NCKAP1L: variants seen among roughly 807,000 people sequenced by gnomAD.
NCKAP1L encodes NCK associated protein 1 like.
NCKAP1L carries 53 observed loss-of-function variants against 139.2 expected under a neutral mutation model. The ratio of observed to expected loss-of-function variants is 0.38; its 90% confidence interval spans 0.31 to 0.48. The LOEUF is 0.48. NCKAP1L is among the 20% of genes least tolerant of loss of function. The pLI, the probability that NCKAP1L is intolerant of heterozygous loss-of-function variation, is 0.98. For missense variants in NCKAP1L, 1,151 were observed against 1,381.9 expected, an observed-to-expected ratio of 0.83 and a Z score of 2.65; for synonymous variants, 468 against 499.7, an observed-to-expected ratio of 0.94 and a Z score of 0.85.
At position 54,511,986 on chromosome 12, in the gene NCKAP1L, T is replaced by C. The variant is rs770040668; in HGVS notation, c.822T>C (p.Asn274=). 1 of 1,614,194 alleles carries C rather than the reference T, an allele frequency of 6.2e-7. No individual in the cohort carries two copies. The highest frequency in any genetic ancestry group is 1.1e-5 in the South Asian group (1 of 91,082). The change falls in exon 9 of 31, where the codon AAT becomes AAC. Residue 274 remains asparagine (N), a synonymous_variant. Transcript: ENST00000293373. ...TTTGTCATGGGTGCCTCAACTCCAA[T>C]AGCCAGTGCCAGAAGCTGTGGAAGC... ...FLLCHGCLNS[N]SQCQKLWKLC...
intron 3 of NCKAP1L, among the ~76,000 whole-genome samples, chr12:54,505,043 C>T (rs1427785039): frequency 1.3e-5 from 2 of 152,226 alleles, no homozygotes; most frequent in Non-Finnish European, 2.9e-5. Flanking sequence ...GGTCATGTAG[C>T]ATACAGGGAA....
At chr12:54,541,808 G>A (rs568030653) in intron 30 of NCKAP1L, among the ~76,000 whole-genome samples, 59 of 152,194 alleles carry the variant, frequency 3.9e-4, no homozygotes, top group African/African-American at 1.3e-3. Flanking sequence ...GTGTTTTTTA[G>A]TCTCATTACC....
chr12:54,532,144 AC>A, intron 25 of NCKAP1L, 25 bp from the exon 26 acceptor site: 1 of 1,551,104 alleles, frequency 6.4e-7, no homozygotes, highest in Non-Finnish European at 8.8e-7. Context: ...GGTCTTGTGG[AC>A]TCATTTATCT....
intron 3 of NCKAP1L, among the ~76,000 whole-genome samples, chr12:54,506,740 T>A (rs1329766946): frequency 6.9e-6 from 1 of 144,422 alleles, no homozygotes; most frequent in Non-Finnish European, 1.5e-5. Context: ...GCATCATATT[T>A]TTTTTATGGT....
intron 22 of NCKAP1L, among the ~76,000 whole-genome samples, chr12:54,530,606 A>G (rs78022706): frequency 0.01 from 1,599 of 152,328 alleles, 32 homozygotes; most frequent in African/African-American, 0.035. Flanking sequence ...AAATAGTTGT[A>G]TCTGCTGGGA....
At chr12:54,512,303 T>A in intron 9 of NCKAP1L, 198 bp downstream of exon 9, 1 of 485,330 alleles carries the variant, frequency 2.1e-6, no homozygotes, top group Non-Finnish European at 3.6e-6. Context: ...TAAGACAACA[T>A]GGAGGTTAAG....
At position 54,497,841 on chromosome 12, in the gene NCKAP1L, C is replaced by T. The variant is rs928632021; in HGVS notation, c.52C>T (p.Leu18=). ...TAAATTAGCAGAGAAGCTCACTATC[C>T]TGAATGATCGCGGTCAGGGGGTTCT... The part of the protein sequence containing the change: ...QHKLAEKLTI[L]NDRGQGVLIR... Residue 18 remains leucine (L), a synonymous_variant, in exon 1 of 31, where the codon CTG becomes TTG. Coordinates refer to ENST00000293373, the MANE Select transcript of NCKAP1L (RefSeq NM_005337.5). The T allele has an allele frequency of 6.2e-7, 1 of 1,613,970 alleles. No individual in the cohort carries two copies. Among genetic ancestry groups the T allele is most frequent in the Non-Finnish European group, 8.5e-7 (1 of 1,179,822 alleles).
chr12:54,523,823 A>G lies in NCKAP1L; in HGVS notation c.2025-2A>G. 1 of 1,612,926 alleles carries G rather than the reference A, an allele frequency of 6.2e-7. No homozygotes were observed. Among genetic ancestry groups the G allele is most frequent in the Non-Finnish European group, 8.5e-7 (1 of 1,179,284 alleles). ...GTAATCCAGGCTCATTTTCCTTTCT[A>G]GCATGGACAAGCTACACCTAAACTT... On this transcript the variant is annotated splice_acceptor_variant, in intron 19 of 30. Transcript: ENST00000293373. LOFTEE classifies it high-confidence loss of function.
At chr12:54,516,331 G>A (rs1399747798) in intron 10 of NCKAP1L, 36 bp downstream of exon 10, 5 of 1,583,556 alleles carry the variant, frequency 3.2e-6, no homozygotes, top group Non-Finnish European at 4.3e-6. Context: ...GAGAGGGGAT[G>A]GAATAGGAAT....
In NCKAP1L at chr12:54,543,762, G is replaced by T. The variant is rs1008094726; in HGVS notation, c.*1077G>T. 1 of 152,164 alleles carries T rather than the reference G, an allele frequency of 6.6e-6. No homozygotes were observed. Among genetic ancestry groups the T allele is most frequent in the African/African-American group, 2.4e-5 (1 of 41,426 alleles). The allele number at this position is 152,164 out of a possible 1,614,324, so 9.4% of individuals were successfully genotyped here. On this transcript the variant is annotated 3_prime_UTR_variant, in exon 31 of 31. Coordinates refer to ENST00000293373, the MANE Select transcript of NCKAP1L (RefSeq NM_005337.5). ...GGCTTTCAAGATAGCACTAAACTAG[G>T]TTTACTTAACTCCTTGGCAGGAAAT...
intron 3 of NCKAP1L, among the ~76,000 whole-genome samples, chr12:54,503,598 TACACACATATATATATATAC>T (rs1411556156): frequency 4.6e-5 from 7 of 151,712 alleles, no homozygotes; most frequent in Non-Finnish European, 8.8e-5. Context: ...TGTTAAAGTA[TACACACATATATATATATAC>T]ACACACATAT....
At chr12:54,532,084 C>T (rs1441261285) in intron 25 of NCKAP1L, 86 bp from the exon 26 acceptor site, 4 of 996,744 alleles carry the variant, frequency 4.0e-6, no homozygotes, top group Non-Finnish European at 5.8e-6. Context: ...TTGAGTGCCC[C>T]TCCTTTTTTT....
At chr12:54,542,514 C>A in intron 30 of NCKAP1L, 61 bp from the exon 31 acceptor site, 2 of 1,247,854 alleles carry the variant, frequency 1.6e-6, no homozygotes, top group Admixed American at 1.7e-5. Flanking sequence ...GCAAAAGGAA[C>A]AGGGTATCAC....
chr12:54,528,032 G>A (rs1448257611), intron 21 of NCKAP1L, among the ~76,000 whole-genome samples: 2 of 152,178 alleles, frequency 1.3e-5, no homozygotes, highest in African/African-American at 2.4e-5. Context: ...ATACCCTCCA[G>A]GTTAGAGGCA....
intron 7 of NCKAP1L, among the ~76,000 whole-genome samples, chr12:54,511,582 T>G (rs1211065702): frequency 6.6e-6 from 1 of 152,196 alleles, no homozygotes; most frequent in Non-Finnish European, 1.5e-5. Flanking sequence ...AATTTTTAAA[T>G]TTTTTGTAGA....
chr12:54,500,713 G>A, intron 3 of NCKAP1L, 88 bp downstream of exon 3: 2 of 868,570 alleles, frequency 2.3e-6, no homozygotes, highest in Non-Finnish European at 3.8e-6. Context: ...CTTAAAACAA[G>A]TTCTTGAAAA....
In NCKAP1L at chr12:54,536,969, G is replaced by T; in HGVS notation, c.3099G>T (p.Leu1033Phe). The T allele has an allele frequency of 6.2e-7, 1 of 1,612,572 alleles. No individual in the cohort carries two copies. The highest frequency in any genetic ancestry group is 1.1e-5 in the South Asian group (1 of 91,010). The part of the protein sequence containing the change: ...KDGYNNNIHC[L>F]TKAIIQVSAA... The stretch of plus-strand genomic sequence containing the variant: ...GTTACAACAACAATATTCATTGCTT[G>T]ACCAAAGCCATCATCCAGGTGTCTG... The change falls in exon 29 of 31, where the codon TTG becomes TTT. Residue 1033 changes from leucine to phenylalanine, a missense_variant. Leu to Phe is a conservative substitution (Grantham distance 22). Transcript: ENST00000293373.
intron 22 of NCKAP1L, among the ~76,000 whole-genome samples, chr12:54,530,682 C>T (rs1268656181): frequency 1.3e-5 from 2 of 152,228 alleles, no homozygotes; most frequent in African/African-American, 2.4e-5. Context: ...GGTTAAGTGG[C>T]TCCGGACAAG....
At chr12:54,529,105 T>A (rs936413344) in intron 22 of NCKAP1L, among the ~76,000 whole-genome samples, 2 of 152,232 alleles carry the variant, frequency 1.3e-5, no homozygotes, top group African/African-American at 4.8e-5. Context: ...GTATAATAGA[T>A]ACACTTATTC....
Sources: gnomAD v4.1 joint callset for allele counts (sites outside exome capture counted in the v4.1 genomes callset) on GRCh38, gnomAD v4.1.1 for gene constraint, MANE v1.5 for transcripts, NCBI Gene and HGNC (gene_info 2026-07-23, HGNC 2026-07-21) for gene names.